The following HMCN1 variants were observed in gnomAD, a reference collection of about 807,000 sequenced individuals.
HMCN1 encodes the protein hemicentin 1, also known as hemicentin-1.
Under a neutral mutation model 625.9 loss-of-function variants are expected in HMCN1, and 321 were observed. The observed-to-expected ratio is 0.51, with a 90% CI of 0.47 to 0.56. The LOEUF is 0.56. Among genes scored for constraint, HMCN1 ranks in the 20% least tolerant of loss-of-function variants. The pLI, the probability that HMCN1 is intolerant of heterozygous loss-of-function variation, is 0.00. For missense variants in HMCN1, 6,588 were observed against 6,887.3 expected (o/e 0.96, Z 1.54); for synonymous variants, 2,425 against 2,417.6 (o/e 1.00, Z -0.09).
At chr1:185,855,647 A>C (rs1662418766) in intron 2 of HMCN1, among the ~76,000 whole-genome samples, 1 of 152,162 alleles carries the variant, frequency 6.6e-6, no homozygotes, top group South Asian at 2.1e-4. Context: ...ACCCAACAAA[A>C]CATGTCCCCT....
chr1:185,999,380 A>G (rs1653021363), intron 25 of HMCN1, among the ~76,000 whole-genome samples: 1 of 152,082 alleles, frequency 6.6e-6, no homozygotes, highest in African/African-American at 2.4e-5. Flanking sequence ...TTATACACTC[A>G]AAGATTGTTG....
intron 1 of HMCN1, among the ~76,000 whole-genome samples, chr1:185,742,096 G>A (rs937864886): frequency 6.6e-6 from 1 of 152,150 alleles, no homozygotes; most frequent in Non-Finnish European, 1.5e-5. Context: ...AGAACATCCA[G>A]TTTGAAACAG....
intron 11 of HMCN1, among the ~76,000 whole-genome samples, chr1:185,949,774 TTATC>T (rs1668545538): frequency 6.6e-6 from 1 of 151,748 alleles, no homozygotes. Flanking sequence ...GGTATTTTAG[TTATC>T]TGACTCGGCA....
intron 29 of HMCN1, among the ~76,000 whole-genome samples, chr1:186,005,393 A>ATTTTTTAATT (rs1407386508): frequency 5.4e-5 from 8 of 147,710 alleles, no homozygotes; most frequent in African/African-American, 1.5e-4. Flanking sequence ...TTTATAAACA[A>ATTTTTTAATT]GTTTTTAATT....
intron 2 of HMCN1, among the ~76,000 whole-genome samples, chr1:185,857,418 T>G (rs1662533829): frequency 6.6e-6 from 1 of 152,186 alleles, no homozygotes; most frequent in Non-Finnish European, 1.5e-5. Context: ...TTTAGGGAGC[T>G]GTCTAATTCT....
Position 186,103,504 on chromosome 1 carries a change from G to A in HMCN1, c.10606G>A (p.Glu3536Lys). 6.2e-7 allele frequency: 1 copy of A among 1,613,494 alleles called. No homozygotes were observed. Among genetic ancestry groups the A allele is most frequent in the Non-Finnish European group, 8.5e-7 (1 of 1,179,522 alleles). Residue 3536 changes from glutamate (E) to lysine (K), a missense_variant, in exon 69 of 107, where the codon GAA becomes AAA. Glu to Lys is a moderately conservative substitution (Grantham distance 56). Around this residue, in one of 3 missense-constraint regions of HMCN1, gnomAD observed 4,628 missense variants for 4,853.1 expected, o/e 0.95. Coordinates refer to ENST00000271588, the MANE Select transcript of HMCN1 (RefSeq NM_031935.3). ...TCACATTAATGGATCTGAAGAACAT[G>A]AAGAGATATCAGTAATTGTTAATAA... ...PPHINGSEEH[E>K]EISVIVNNPL...
chr1:185,803,204 G>GCAAAAAAAAAAAAAAAAAAAAAAA (rs1658921759), intron 1 of HMCN1, among the ~76,000 whole-genome samples: 6 of 23,688 alleles, frequency 2.5e-4, no homozygotes, highest in Non-Finnish European at 4.1e-4. Context: ...AAAAAAAAAA[G>GCAAAAAAAAAAAAAAAAAAAAAAA]CAAAAAAAAA....
chr1:186,001,585 C>T lies in HMCN1; in HGVS notation c.4201-9C>T, dbSNP rs748273446. ...TTGGAAATAACACTGACCATTTTGG[C>T]CCTTAAAGGTGACTGAAAGCAGCAC... On this transcript the variant is annotated splice_polypyrimidine_tract_variant and intron_variant, in intron 27 of 106. Coordinates refer to ENST00000271588, the MANE Select transcript of HMCN1 (RefSeq NM_031935.3). The T allele has an allele frequency of 1.3e-5, 21 of 1,612,740 alleles. No individual in the cohort carries two copies. In the Admixed American group the frequency reaches 3.2e-4, roughly 24 times the overall value.
chr1:185,993,873 A>C (rs1652606145), intron 23 of HMCN1, among the ~76,000 whole-genome samples: 1 of 152,100 alleles, frequency 6.6e-6, no homozygotes, highest in Admixed American at 6.6e-5. Flanking sequence ...TATCAGAAGA[A>C]ATTAGCTGAG....
intron 1 of HMCN1, among the ~76,000 whole-genome samples, chr1:185,750,261 A>AT (rs1262592874): frequency 1.3e-5 from 2 of 152,140 alleles, no homozygotes; most frequent in Non-Finnish European, 2.9e-5. Flanking sequence ...GAAAGAATGA[A>AT]TTTTTTGTAT....
intron 36 of HMCN1, among the ~76,000 whole-genome samples, chr1:186,029,793 T>C (rs890950762): frequency 1.3e-5 from 2 of 152,036 alleles, no homozygotes; most frequent in African/African-American, 4.8e-5. Context: ...ACTCTTCTTT[T>C]TTTCTGATTT....
chr1:186,118,105 G>A (rs948892150), intron 77 of HMCN1, among the ~76,000 whole-genome samples: 1 of 152,016 alleles, frequency 6.6e-6, no homozygotes, highest in African/African-American at 2.4e-5. Context: ...AGTGAGTAGC[G>A]AGTTCTATGA....
At chr1:186,048,221 T>C (rs1656704118) in intron 41 of HMCN1, among the ~76,000 whole-genome samples, 1 of 152,086 alleles carries the variant, frequency 6.6e-6, no homozygotes, top group Non-Finnish European at 1.5e-5. Flanking sequence ...AAGTTGTACA[T>C]AAATACATGA....
chr1:186,070,858 T>C (rs1351299694), intron 52 of HMCN1, 101 bp downstream of exon 52: 1 of 1,242,574 alleles, frequency 8.0e-7, no homozygotes, highest in South Asian at 1.2e-5. Flanking sequence ...AGAGAATCAA[T>C]GTGATCTTAA....
chr1:185,857,957 C>G (rs1662576936), intron 2 of HMCN1, among the ~76,000 whole-genome samples: 1 of 152,110 alleles, frequency 6.6e-6, no homozygotes, highest in Non-Finnish European at 1.5e-5. Flanking sequence ...TACAGTGTCT[C>G]TGAAAGCTAC....
At position 186,165,130 on chromosome 1, in the gene HMCN1, C is replaced by T. The variant is rs1651797356; in HGVS notation, c.15276C>T (p.Cys5092=). Residue 5092 remains cysteine (C), a synonymous_variant, in exon 98 of 107, where the codon TGC becomes TGT. Transcript: ENST00000271588. ...TGGTAGGAGATCGCAGTAATCAGTG[C>T]CCCTCCGGGTTTACCTTAGACTCAG... The part of the protein sequence containing the change: ...SISKGDRSNQ[C]PSGFTLDSVG... 2 of 1,613,888 alleles carry T rather than the reference C, an allele frequency of 1.2e-6. No homozygotes were observed. Among genetic ancestry groups the T allele is most frequent in the African/African-American group, 1.3e-5 (1 of 74,886 alleles).
intron 6 of HMCN1, among the ~76,000 whole-genome samples, chr1:185,915,493 G>A (rs571625533): frequency 3.9e-5 from 6 of 152,134 alleles, no homozygotes; most frequent in Non-Finnish European, 8.8e-5. Context: ...GATTATCAGT[G>A]TGATCATTTA....
chr1:185,865,788 A>G lies in HMCN1; in HGVS notation c.546A>G (p.Gly182=), dbSNP rs771754219. The G allele has an allele frequency of 3.7e-6, 6 of 1,611,796 alleles. No homozygotes were observed. In the South Asian group the frequency reaches 5.5e-5, roughly 15 times the overall value. The change falls in exon 4 of 107, where the codon GGA becomes GGG. Residue 182 remains glycine (G), a synonymous_variant. Transcript: ENST00000271588. ...ATTGTGATGACAGGACCCATATTGG[A>G]TATAAAGTCTATGAAGAAATTGCCT... ...TGDCDDRTHI[G]YKVYEEIAST...
chr1:185,918,662 C>T (rs529233458), intron 6 of HMCN1, among the ~76,000 whole-genome samples: 1 of 152,300 alleles, frequency 6.6e-6, no homozygotes, highest in South Asian at 2.1e-4. Flanking sequence ...CACACTGCAG[C>T]AGCCTGTGTA....
Sources: gnomAD v4.1 joint callset for allele counts (sites outside exome capture counted in the v4.1 genomes callset) on GRCh38, gnomAD v4.1.1 for gene constraint, gnomAD v4.1.1 regional missense constraint, MANE v1.5 for transcripts, NCBI Gene and HGNC (gene_info 2026-07-23, HGNC 2026-07-21) for gene names.